The following ADARB2 variants were observed in gnomAD, a reference collection of about 807,000 sequenced individuals.
ADARB2 encodes adenosine deaminase RNA specific B2 (inactive).
Under a neutral mutation model 62.2 loss-of-function variants are expected in ADARB2, and 25 were observed. The ratio of observed to expected loss-of-function variants is 0.40; its 90% CI spans 0.29 to 0.56. The LOEUF (loss-of-function observed/expected upper bound fraction) is 0.56. ADARB2 is among the 20% of genes least tolerant of loss of function. The pLI is 0.43. For missense variants in ADARB2, 1,071 were observed against 1,077.4 expected (o/e 0.99, Z 0.08); for synonymous variants, 572 against 500.8 (o/e 1.14, Z -1.90).
chr10:1,696,539 C>T (rs1462889521), intron 1 of ADARB2, among the ~76,000 whole-genome samples: 2 of 152,182 alleles, frequency 1.3e-5, no homozygotes, highest in Non-Finnish European at 2.9e-5. Flanking sequence ...AGGCCCTTTC[C>T]AATTGCTTTG....
chr10:1,568,408 C>G (rs894634416), intron 1 of ADARB2, among the ~76,000 whole-genome samples: 7 of 152,200 alleles, frequency 4.6e-5, no homozygotes, highest in Non-Finnish European at 7.3e-5. Flanking sequence ...GGGCCGTCTC[C>G]GCAGACACTG....
intron 1 of ADARB2, among the ~76,000 whole-genome samples, chr10:1,699,522 A>G (rs12268771): frequency 8.0e-4 from 66 of 82,794 alleles, no homozygotes; most frequent in African/African-American, 1.5e-3. Context: ...CCGGGAGACC[A>G]GGCGCTCGCC....
At chr10:1,604,739 C>G (rs780105902) in intron 1 of ADARB2, among the ~76,000 whole-genome samples, 1 of 152,208 alleles carries the variant, frequency 6.6e-6, no homozygotes, top group African/African-American at 2.4e-5. Context: ...TCCTCCTCAA[C>G]GCATGAGAAC....
intron 1 of ADARB2, among the ~76,000 whole-genome samples, chr10:1,383,154 G>A (rs1832498699): frequency 1.3e-5 from 2 of 152,178 alleles, no homozygotes; most frequent in Non-Finnish European, 2.9e-5. Context: ...GTGCACATCT[G>A]GAGGGCACAG....
chr10:1,266,183 C>T (rs1001766842), intron 4 of ADARB2, among the ~76,000 whole-genome samples: 14 of 152,296 alleles, frequency 9.2e-5, no homozygotes, highest in African/African-American at 3.1e-4. Flanking sequence ...TGTGGGTCGG[C>T]GCCGAGAAGG....
chr10:1,242,099 G>A (rs772267787), intron 5 of ADARB2, 32 bp downstream of exon 5: 11 of 1,570,664 alleles, frequency 7.0e-6, no homozygotes, highest in East Asian at 2.3e-5. Context: ...CGCGGCGTCC[G>A]CCTTCCCTGG....
intron 1 of ADARB2, among the ~76,000 whole-genome samples, chr10:1,402,277 C>T (rs1832671275): frequency 6.6e-6 from 1 of 152,302 alleles, no homozygotes. Flanking sequence ...CCGGTCTGGC[C>T]AGGGGTAGGG....
chr10:1,293,228 G>GGGGGAGAGGGACTGAGGGAGGGAA (rs1554752375), intron 3 of ADARB2, among the ~76,000 whole-genome samples: 1 of 108,450 alleles, frequency 9.2e-6, no homozygotes, highest in African/African-American at 3.8e-5. Context: ...GAGAGGGACG[G>GGGGGAGAGGGACTGAGGGAGGGAA]GGAGGGAGAG....
At chr10:1,362,112 A>G (rs1021194048) in intron 3 of ADARB2, among the ~76,000 whole-genome samples, 4 of 152,242 alleles carry the variant, frequency 2.6e-5, no homozygotes, top group Admixed American at 2.0e-4. Flanking sequence ...AGGCAGGAAC[A>G]TAAGGCCGGT....
chr10:1,613,932 T>C (rs1833600655), intron 1 of ADARB2, among the ~76,000 whole-genome samples: 1 of 152,212 alleles, frequency 6.6e-6, no homozygotes, highest in Non-Finnish European at 1.5e-5. Context: ...CTATTAAAAA[T>C]ATGACCTTTG....
At chr10:1,493,841 C>G (rs1831653582) in intron 1 of ADARB2, among the ~76,000 whole-genome samples, 1 of 141,618 alleles carries the variant, frequency 7.1e-6, no homozygotes, top group Non-Finnish European at 1.5e-5. Flanking sequence ...TCACTGCAAC[C>G]TCCGCCTCCT....
At chr10:1,373,609 A>C (rs1265033769) in intron 2 of ADARB2, among the ~76,000 whole-genome samples, 1 of 152,152 alleles carries the variant, frequency 6.6e-6, no homozygotes, top group East Asian at 1.9e-4. Flanking sequence ...GTGTACACCT[A>C]CATCAGCTGG....
chr10:1,535,350 G>T (rs556967373), intron 1 of ADARB2, among the ~76,000 whole-genome samples: 7 of 152,062 alleles, frequency 4.6e-5, no homozygotes, highest in Non-Finnish European at 1.0e-4. Flanking sequence ...TGAGCATTCG[G>T]CAATACCTCC....
intron 1 of ADARB2, among the ~76,000 whole-genome samples, chr10:1,457,260 A>C (rs1376713622): frequency 6.6e-6 from 1 of 152,224 alleles, no homozygotes; most frequent in Admixed American, 6.5e-5. Flanking sequence ...AGGAGTGGTG[A>C]GCATGAGGGC....
chr10:1,697,318 T>C (rs1834759828), intron 1 of ADARB2, among the ~76,000 whole-genome samples: 1 of 152,178 alleles, frequency 6.6e-6, no homozygotes, highest in South Asian at 2.1e-4. Flanking sequence ...AAGCAACATG[T>C]TCCAGGTCTT....
chr10:1,270,707 GC>G (rs1831252761), intron 4 of ADARB2, among the ~76,000 whole-genome samples: 1 of 152,182 alleles, frequency 6.6e-6, no homozygotes, highest in East Asian at 1.9e-4. Context: ...GGCTGGCCAG[GC>G]CCCCCAGAGA....
At chr10:1,434,665 C>T (rs376677646) in intron 1 of ADARB2, among the ~76,000 whole-genome samples, 1 of 152,150 alleles carries the variant, frequency 6.6e-6, no homozygotes. Context: ...TAGCAGCAGA[C>T]AAGATAAGGG....
intron 1 of ADARB2, among the ~76,000 whole-genome samples, chr10:1,538,372 G>T (rs1351008093): frequency 6.6e-6 from 1 of 152,172 alleles, no homozygotes; most frequent in Non-Finnish European, 1.5e-5. Context: ...CAAGCCGGAG[G>T]GGTCTCCTCT....
At chr10:1,417,703 G>A (rs1252498414) in intron 1 of ADARB2, among the ~76,000 whole-genome samples, 8 of 152,184 alleles carry the variant, frequency 5.3e-5, no homozygotes, top group Admixed American at 3.9e-4. Context: ...GCTATGGGCC[G>A]GCGTTGCACC....
Sources: gnomAD v4.1 joint callset for allele counts (sites outside exome capture counted in the v4.1 genomes callset) on GRCh38, gnomAD v4.1.1 for gene constraint, MANE v1.5 for transcripts, NCBI Gene and HGNC (gene_info 2026-07-23, HGNC 2026-07-21) for gene names.